Variants in LTBP1 observed in about 807,000 individuals in gnomAD.
The protein encoded by LTBP1 is latent-transforming growth factor beta-binding protein 1.
A neutral mutation model predicts 207.6 loss-of-function variants in LTBP1; 129 were observed. The observed-to-expected ratio is 0.62, with a 90% CI of 0.54 to 0.72. The LOEUF is 0.72. LTBP1 is among the 30% of genes least tolerant of loss of function. The pLI is 0.00. For synonymous variants in LTBP1, 963 were observed against 833.7 expected, an observed-to-expected ratio of 1.16 and a Z score of -2.67; for missense variants, 2,281 against 2,217.2, an observed-to-expected ratio of 1.03 and a Z score of -0.58.
intron 3 of LTBP1, among the ~76,000 whole-genome samples, chr2:33,037,865 G>T (rs1012009533): frequency 6.6e-6 from 1 of 152,204 alleles, no homozygotes; most frequent in Non-Finnish European, 1.5e-5. Flanking sequence ...TTACAGGTGT[G>T]TGCCACCATA....
chr2:33,127,863 G>A (rs903643683), intron 4 of LTBP1, among the ~76,000 whole-genome samples: 6 of 152,196 alleles, frequency 3.9e-5, no homozygotes, highest in African/African-American at 1.4e-4. Context: ...GCATGAGTGA[G>A]GTGTCTGAGT....
intron 3 of LTBP1, among the ~76,000 whole-genome samples, chr2:33,053,413 C>G (rs1050128005): frequency 6.6e-6 from 1 of 152,068 alleles, no homozygotes; most frequent in African/African-American, 2.4e-5. Context: ...TGGGTTTGGA[C>G]AAATGTATAA....
At chr2:33,092,463 A>G (rs1295794524) in intron 3 of LTBP1, among the ~76,000 whole-genome samples, 1 of 152,250 alleles carries the variant, frequency 6.6e-6, no homozygotes, top group East Asian at 1.9e-4. Flanking sequence ...GTTTAGAATT[A>G]CAATATAGAC....
chr2:32,996,964 A>G (rs1336122696), intron 2 of LTBP1, among the ~76,000 whole-genome samples: 1 of 152,032 alleles, frequency 6.6e-6, no homozygotes, highest in East Asian at 1.9e-4. Context: ...GGCTCACTGC[A>G]GTGTCCGCCT....
intron 4 of LTBP1, among the ~76,000 whole-genome samples, chr2:33,124,605 C>A (rs2081332452): frequency 6.6e-6 from 1 of 152,144 alleles, no homozygotes; most frequent in Non-Finnish European, 1.5e-5. Context: ...GATCTGAAAG[C>A]AAACATCTTA....
chr2:32,989,592 A>G (rs1313965150), intron 2 of LTBP1, among the ~76,000 whole-genome samples: 2 of 152,210 alleles, frequency 1.3e-5, no homozygotes, highest in Non-Finnish European at 2.9e-5. Flanking sequence ...AAGCCCAGGG[A>G]CAGAGTGTGC....
intron 3 of LTBP1, among the ~76,000 whole-genome samples, chr2:33,043,702 G>GA (rs1408584291): frequency 2.0e-5 from 3 of 152,202 alleles, no homozygotes; most frequent in African/African-American, 4.8e-5. Context: ...TGTTTTACAT[G>GA]AAGTATTCCT....
chr2:33,092,274 A>T (rs566319687), intron 3 of LTBP1, among the ~76,000 whole-genome samples: 1 of 152,228 alleles, frequency 6.6e-6, no homozygotes, highest in African/African-American at 2.4e-5. Flanking sequence ...CCGTCCCTTT[A>T]CTAGTTATCC....
At position 33,056,220 on chromosome 2, in the gene LTBP1, G is replaced by C. The variant is rs183950933; in HGVS notation, c.863+35014G>C. ...GCCGCCTCTTTTTCAGGGTTTGTGGGTCGAATTGGTCCCAATAGCTTAGGA... is the reference window on the plus strand; with the variant it reads ...GCCGCCTCTTTTTCAGGGTTTGTGGCTCGAATTGGTCCCAATAGCTTAGGA... On this transcript the variant is annotated intron_variant, in intron 3 of 33. Coordinates refer to ENST00000404816, the MANE Select transcript of LTBP1 (RefSeq NM_206943.4). 2.2e-3 allele frequency: 741 copies of C among 339,556 alleles called. 9 individuals are homozygous for C. Among genetic ancestry groups the C allele is most frequent in the African/African-American group, 0.014 (662 of 46,514 alleles). 21.0% of individuals were successfully genotyped at this position (339,556 alleles called of 1,614,324 possible). A position where few individuals can be genotyped will look rare whatever the true frequency, so the allele number is the denominator to read the frequency against.
chr2:32,948,592 T>G (rs1330722038), intron 1 of LTBP1, among the ~76,000 whole-genome samples: 1 of 152,166 alleles, frequency 6.6e-6, no homozygotes, highest in Non-Finnish European at 1.5e-5. Flanking sequence ...CTACTGTAAT[T>G]TGGGGGTAAG....
chr2:32,949,500 C>T (rs973714340), intron 2 of LTBP1, among the ~76,000 whole-genome samples: 2 of 152,222 alleles, frequency 1.3e-5, no homozygotes, highest in African/African-American at 4.8e-5. Flanking sequence ...AGTGCTTCTG[C>T]AGTTCACATG....
At chr2:33,209,081 C>T (rs1036930428) in intron 7 of LTBP1, among the ~76,000 whole-genome samples, 1 of 151,890 alleles carries the variant, frequency 6.6e-6, no homozygotes, top group Non-Finnish European at 1.5e-5. Flanking sequence ...CCATGTTGGC[C>T]AGGCTGGTTT....
Position 33,275,922 on chromosome 2 carries a change from G to C in LTBP1, c.2991G>C (p.Glu997Asp). The C allele has an allele frequency of 6.3e-7, 1 of 1,584,110 alleles. No individual in the cohort carries two copies. The highest frequency in any genetic ancestry group is 8.6e-7 in the Non-Finnish European group (1 of 1,165,428). ...GCATGACTCAGAGAGGCCGTTGTGA[G>C]GGTGAGTCAGCTGAGAGTGTTCAGC... ...GYRMTQRGRC[E>D]DIDECLNPST... is the part of the protein sequence containing the mutation. The change falls in exon 18 of 34, where the codon GAG becomes GAC. Residue 997 changes from glutamate (E) to aspartate (D), a missense_variant and splice_region_variant. By Grantham distance (45) the Glu-to-Asp change is conservative. Coordinates refer to ENST00000404816, the MANE Select transcript of LTBP1 (RefSeq NM_206943.4).
chr2:33,142,063 T>C (rs547694444), intron 5 of LTBP1, among the ~76,000 whole-genome samples: 3 of 137,930 alleles, frequency 2.2e-5, no homozygotes, highest in African/African-American at 7.4e-5. Context: ...TTCAGCATTC[T>C]TTTTTTTAGA....
chr2:32,970,371 A>C (rs1274278120), intron 2 of LTBP1, among the ~76,000 whole-genome samples: 1 of 152,130 alleles, frequency 6.6e-6, no homozygotes, highest in African/African-American at 2.4e-5. Flanking sequence ...GTTATCTTCC[A>C]GGGTTTTTAT....
chr2:33,080,932 G>A (rs2078356724), intron 3 of LTBP1, among the ~76,000 whole-genome samples: 3 of 152,142 alleles, frequency 2.0e-5, no homozygotes, highest in Admixed American at 2.0e-4. Flanking sequence ...ATAAAAGACA[G>A]GTTAATAAGA....
At chr2:33,290,449 C>T (rs74569780) in intron 19 of LTBP1, among the ~76,000 whole-genome samples, 2,514 of 152,302 alleles carry the variant, frequency 0.017, 75 homozygotes, top group African/African-American at 0.056. Flanking sequence ...AACTGAAGAA[C>T]ACTGAAAGTC....
chr2:33,397,910 C>G (rs76996893), intron 33 of LTBP1, among the ~76,000 whole-genome samples: 2,570 of 152,150 alleles, frequency 0.017, 60 homozygotes, highest in Middle Eastern at 0.068. Context: ...AACCTAGCTT[C>G]TTAACAGATG....
At chr2:33,341,729 A>AAAAAAAATATAT (rs745445793) in intron 24 of LTBP1, among the ~76,000 whole-genome samples, 14 of 93,616 alleles carry the variant, frequency 1.5e-4, no homozygotes, top group South Asian at 1.2e-3. Context: ...AAAAAAAAAA[A>AAAAAAAATATAT]ATATATATAT....
Sources: allele counts gnomAD v4.1 joint callset (sites outside exome capture counted in the v4.1 genomes callset), GRCh38; gene constraint gnomAD v4.1.1; transcripts MANE v1.5; gene names NCBI Gene and HGNC (gene_info 2026-07-23, HGNC 2026-07-21).